The following EBF3 variants were observed in gnomAD, a reference collection of about 807,000 sequenced individuals.
The protein encoded by EBF3 is transcription factor COE3.
EBF3 carries 18 observed loss-of-function variants against 77.1 expected under a neutral mutation model. The ratio of observed to expected loss-of-function variants is 0.23; its 90% CI spans 0.16 to 0.35. The LOEUF is 0.35. Among genes scored for constraint, EBF3 ranks in the 10% least tolerant of loss-of-function variants. EBF3 has a pLI of 1.00. For missense variants in EBF3, 558 were observed against 860.0 expected, an observed-to-expected ratio of 0.65 and a Z score of 4.39; for synonymous variants, 350 against 343.5, an observed-to-expected ratio of 1.02 and a Z score of -0.21.
chr10:129,837,907 G>A lies in EBF3; in HGVS notation c.*36C>T. The A allele has an allele frequency of 1.9e-6, 3 of 1,614,140 alleles. No individual in the cohort carries two copies. Among genetic ancestry groups the A allele is most frequent in the Non-Finnish European group, 1.7e-6 (2 of 1,180,008 alleles). On this transcript the variant is annotated 3_prime_UTR_variant, in exon 17 of 17. Transcript: ENST00000440978. The stretch of plus-strand genomic sequence containing the variant: ...AGTCCGTCCTTTGATGCTGGGTGCT[G>A]CGGAAGGTAAACAGAAGTCCCTCAC...
At position 129,963,704 on chromosome 10, in the gene EBF3, C is replaced by T. The variant is rs769141880; in HGVS notation, c.65G>A (p.Ser22Asn). 20 of 1,536,018 alleles carry T rather than the reference C, an allele frequency of 1.3e-5. No homozygotes were observed. Among genetic ancestry groups the T allele is most frequent in the Non-Finnish European group, 1.7e-5 (19 of 1,135,862 alleles). ...GTTMKEEPLG[S>N]GMNPVRSWMH... ...CCACGAGCGCACCGGGTTCATGCCG[C>T]TGCCCAGCGGCTCCTCCTTCATGGT... Residue 22 changes from serine (S) to asparagine (N), a missense_variant, in exon 1 of 17, where the codon AGC (serine) becomes AAC (asparagine). By Grantham distance (46) the Ser-to-Asn change is conservative. Coordinates refer to ENST00000440978, the MANE Select transcript of EBF3 (RefSeq NM_001375380.1). This position sits in a 1 kb window ranked among gnomAD's most constrained non-coding sequence, Gnocchi z 7.1.
At chr10:129,926,426 A>G (rs1856675093) in intron 6 of EBF3, among the ~76,000 whole-genome samples, 1 of 152,010 alleles carries the variant, frequency 6.6e-6, no homozygotes, top group Non-Finnish European at 1.5e-5. Context: ...TGTGGCTGGG[A>G]TTTGGACAGG....
At chr10:129,912,682 T>C (rs1444269381) in intron 6 of EBF3, among the ~76,000 whole-genome samples, 1 of 152,236 alleles carries the variant, frequency 6.6e-6, no homozygotes, top group Non-Finnish European at 1.5e-5. Context: ...ATGAATTATC[T>C]GACACATTTC....
intron 10 of EBF3, 60 bp downstream of exon 10, chr10:129,867,081 C>A: frequency 1.9e-6 from 3 of 1,577,048 alleles, no homozygotes; most frequent in Non-Finnish European, 2.6e-6. Flanking sequence ...CTCATGAGCA[C>A]CTCCTGGTGG....
intron 6 of EBF3, among the ~76,000 whole-genome samples, chr10:129,913,177 G>A (rs1855641538): frequency 6.6e-6 from 1 of 152,220 alleles, no homozygotes; most frequent in Non-Finnish European, 1.5e-5. Context: ...GCCTTGTTAG[G>A]GTCCGTCTCA....
At chr10:129,957,661 CTT>C (rs1178856823) in intron 5 of EBF3, among the ~76,000 whole-genome samples, 1 of 152,206 alleles carries the variant, frequency 6.6e-6, no homozygotes, top group South Asian at 2.1e-4. Context: ...TTGGGAATAA[CTT>C]TTCACAGCTT....
intron 6 of EBF3, among the ~76,000 whole-genome samples, chr10:129,890,412 G>C (rs1186802325): frequency 1.3e-5 from 2 of 152,218 alleles, no homozygotes; most frequent in Non-Finnish European, 2.9e-5. Context: ...TCCAAAATGT[G>C]AGGGCAAATC....
chr10:129,891,223 G>T (rs1217291050), intron 6 of EBF3, among the ~76,000 whole-genome samples: 2 of 152,068 alleles, frequency 1.3e-5, no homozygotes, highest in East Asian at 3.9e-4. Context: ...CTCCCATCAA[G>T]CAAATTTTCT....
Position 129,943,709 on chromosome 10 carries a change from A to G in EBF3, c.554+13549T>C, listed in dbSNP as rs1393870445. Among the ~76,000 whole-genome samples the G allele has an allele frequency of 6.6e-6, 1 of 152,196 alleles. No homozygotes were observed. Among genetic ancestry groups the G allele is most frequent in the African/African-American group, 2.4e-5 (1 of 41,446 alleles). On this transcript the variant is annotated intron_variant, in intron 6 of 16. Transcript: ENST00000440978. The surrounding 1 kb of genome is among the most constrained non-coding windows in gnomAD (Gnocchi z 8.8). ...TTTTACCTCTGCTATGAATTAAAAG[A>G]ATTGCTAGGAATTCTTTTCACAGGC...
chr10:129,892,105 G>C (rs572253008), intron 6 of EBF3, among the ~76,000 whole-genome samples: 53 of 152,364 alleles, frequency 3.5e-4, no homozygotes, highest in Non-Finnish European at 5.9e-4. Flanking sequence ...GCAGCGGCAA[G>C]AAATGACAGA....
chr10:129,901,765 G>A (rs934456212), intron 6 of EBF3, among the ~76,000 whole-genome samples: 1 of 152,152 alleles, frequency 6.6e-6, no homozygotes, highest in Non-Finnish European at 1.5e-5. Context: ...ATCGCACAGC[G>A]GCGCCCTCGG....
At chr10:129,930,685 C>A (rs889557359) in intron 6 of EBF3, among the ~76,000 whole-genome samples, 2 of 148,418 alleles carry the variant, frequency 1.3e-5, no homozygotes, top group Non-Finnish European at 3.0e-5. Context: ...CTGTCTATAT[C>A]TATCTCTATA....
chr10:129,843,008 C>T, intron 12 of EBF3, 129 bp downstream of exon 12: 7 of 852,890 alleles, frequency 8.2e-6, no homozygotes, highest in Non-Finnish European at 1.3e-5. Flanking sequence ...GCCATTCTCA[C>T]ATCAGACTCC....
chr10:129,917,355 C>T (rs753697388), intron 6 of EBF3, among the ~76,000 whole-genome samples: 1 of 151,858 alleles, frequency 6.6e-6, no homozygotes, highest in African/African-American at 2.4e-5. Flanking sequence ...AGCGACAGGG[C>T]GAGACTCCGT....
At chr10:129,852,029 G>A (rs549976682) in intron 10 of EBF3, among the ~76,000 whole-genome samples, 2 of 152,276 alleles carry the variant, frequency 1.3e-5, no homozygotes, top group African/African-American at 4.8e-5. Context: ...AGCTAGAATA[G>A]CCGGGAATCA....
chr10:129,937,899 C>T (rs1857469264), intron 6 of EBF3, among the ~76,000 whole-genome samples: 1 of 152,170 alleles, frequency 6.6e-6, no homozygotes, highest in Admixed American at 6.5e-5. Flanking sequence ...TATTCCATCC[C>T]CCTAAAAGGT....
In EBF3 at chr10:129,872,206, C is replaced by T. The variant is rs577528247; in HGVS notation, c.781+1246G>A. On this transcript the variant is annotated intron_variant, in intron 8 of 16. Coordinates refer to ENST00000440978, the MANE Select transcript of EBF3 (RefSeq NM_001375380.1). The stretch of plus-strand genomic sequence containing the variant: ...TCTAGGGAAGCGAGGAACTGAGGAC[C>T]GGGGATTCAACCTTCTTAATTGTGA... 9.1e-4 allele frequency among the ~76,000 whole-genome samples: 139 copies of T among 152,248 alleles called. 2 individuals are homozygous for T. Among genetic ancestry groups the T allele is most frequent in the Admixed American group, 9.0e-3 (137 of 15,288 alleles).
chr10:129,938,380 A>T lies in EBF3; in HGVS notation c.554+18878T>A, dbSNP rs935529796. Among the ~76,000 whole-genome samples the T allele has an allele frequency of 9.9e-4, 8 of 8,086 alleles. No individual in the cohort carries two copies. Among genetic ancestry groups the T allele is most frequent in the East Asian group, 0.038 (1 of 26 alleles). The allele number at this position is 8,086 out of a possible 152,430, so 5.3% of individuals were successfully genotyped here. A position where few individuals can be genotyped will look rare whatever the true frequency, so the allele number is the denominator to read the frequency against. ...CATGGCAAAACCCCATCTCTATTTAAAAAAAAAAAAAAAAAAGACAAAAAT... is the reference window on the plus strand; with the variant it reads ...CATGGCAAAACCCCATCTCTATTTATAAAAAAAAAAAAAAAAGACAAAAAT... On this transcript the variant is annotated intron_variant, in intron 6 of 16. Transcript: ENST00000440978. This position sits in a 1 kb window ranked among gnomAD's most constrained non-coding sequence, Gnocchi z 5.1.
At position 129,841,154 on chromosome 10, in the gene EBF3, G is replaced by A; in HGVS notation, c.1373-122C>T. 7.6e-7 allele frequency: 1 copy of A among 1,308,462 alleles called. No homozygotes were observed. Among genetic ancestry groups the A allele is most frequent in the Non-Finnish European group, 1.0e-6 (1 of 970,980 alleles). 81.1% of individuals were successfully genotyped at this position (1,308,462 alleles called of 1,614,324 possible). On this transcript the variant is annotated intron_variant, in intron 13 of 16. Coordinates refer to ENST00000440978, the MANE Select transcript of EBF3 (RefSeq NM_001375380.1). This position sits in a 1 kb window ranked among gnomAD's most constrained non-coding sequence, Gnocchi z 4.6. ...CTAATTGACCCTGTGCTTTCCACCTGCTCTAGCGCCTGCTGCCAGCTCGGA... is the reference window on the plus strand; with the variant it reads ...CTAATTGACCCTGTGCTTTCCACCTACTCTAGCGCCTGCTGCCAGCTCGGA...
Sources: gnomAD v4.1 joint callset for allele counts (sites outside exome capture counted in the v4.1 genomes callset) on GRCh38, gnomAD v4.1.1 for gene constraint, Gnocchi (gnomAD v3.1) non-coding constraint, MANE v1.5 for transcripts, NCBI Gene and HGNC (gene_info 2026-07-23, HGNC 2026-07-21) for gene names.